Variants in XIRP2 observed in about 807,000 individuals in gnomAD.
XIRP2 encodes the protein xin actin binding repeat containing 2, also known as xin actin-binding repeat-containing protein 2.
In XIRP2, 236 loss-of-function variants were observed where a neutral mutation model predicts 277.0. The ratio of observed to expected loss-of-function variants is 0.85; its 90% CI spans 0.77 to 0.95. The LOEUF (loss-of-function observed/expected upper bound fraction) is 0.95. XIRP2 is among the 40% of genes least tolerant of loss of function. The pLI is 0.00. For missense variants in XIRP2, 4,640 were observed against 4,157.5 expected (o/e 1.12, Z -3.19); for synonymous variants, 1,490 against 1,416.5 (o/e 1.05, Z -1.17).
At chr2:167,160,474 AG>A (rs1692330994) in intron 3 of XIRP2, among the ~76,000 whole-genome samples, 1 of 152,214 alleles carries the variant, frequency 6.6e-6, no homozygotes, top group South Asian at 2.1e-4. Flanking sequence ...TAAAACTTAC[AG>A]TCCCATGTGG....
At chr2:166,963,502 TGTG>T (rs1237130981) in intron 2 of XIRP2, among the ~76,000 whole-genome samples, 1 of 151,834 alleles carries the variant, frequency 6.6e-6, no homozygotes, top group African/African-American at 2.4e-5. Flanking sequence ...AGAATAAAAA[TGTG>T]GAGGAGGAGA....
At chr2:167,087,318 G>T (rs1280786312) in intron 2 of XIRP2, among the ~76,000 whole-genome samples, 1 of 151,554 alleles carries the variant, frequency 6.6e-6, no homozygotes, top group African/African-American at 2.4e-5. Context: ...CTCCAGCTGC[G>T]TGCTGGGAGA....
chr2:167,179,901 C>T (rs184185513), intron 3 of XIRP2, among the ~76,000 whole-genome samples: 1 of 152,274 alleles, frequency 6.6e-6, no homozygotes, highest in East Asian at 1.9e-4. Flanking sequence ...TTTCGCCCCA[C>T]ACACCCAAAG....
intron 2 of XIRP2, among the ~76,000 whole-genome samples, chr2:166,995,313 A>T (rs972223932): frequency 1.3e-5 from 2 of 152,196 alleles, no homozygotes; most frequent in African/African-American, 4.8e-5. Context: ...ACTGAATTTC[A>T]TCTTTAAGGC....
rs376878594 is a variant in XIRP2, at chr2:167,090,263, G to T, written c.409-45646G>T. On this transcript the variant is annotated intron_variant, in intron 2 of 10. Transcript: ENST00000409195. ...TTTCAGACAATGCAAAGATTTTAGG[G>T]TACTTTAACTCCATATACCCCACTC... Among the ~76,000 whole-genome samples, 26 of 151,948 alleles carry T rather than the reference G, an allele frequency of 1.7e-4. No homozygotes were observed. The South Asian group carries it at 5.4e-3, about 32-fold the overall frequency.
intron 2 of XIRP2, among the ~76,000 whole-genome samples, chr2:167,131,995 C>G (rs536625207): frequency 1.3e-5 from 2 of 152,082 alleles, no homozygotes; most frequent in East Asian, 1.9e-4. Flanking sequence ...CTCACTCCCT[C>G]TCTCTCTCAT....
intron 2 of XIRP2, among the ~76,000 whole-genome samples, chr2:167,040,918 C>T (rs923746124): frequency 1.3e-5 from 2 of 152,232 alleles, no homozygotes; most frequent in African/African-American, 2.4e-5. Context: ...GCACAGACTC[C>T]ATTGCCACCA....
At chr2:167,018,284 C>G (rs1193829752) in intron 2 of XIRP2, among the ~76,000 whole-genome samples, 1 of 151,924 alleles carries the variant, frequency 6.6e-6, no homozygotes, top group Non-Finnish European at 1.5e-5. Flanking sequence ...TCTACCTTTG[C>G]CAGGGGTAGG....
intron 2 of XIRP2, among the ~76,000 whole-genome samples, chr2:166,927,941 G>C (rs889476256): frequency 6.6e-6 from 1 of 152,098 alleles, no homozygotes; most frequent in Non-Finnish European, 1.5e-5. Context: ...GGGGAAATTA[G>C]AAATGTTAAA....
intron 3 of XIRP2, among the ~76,000 whole-genome samples, chr2:167,136,394 T>C (rs557818323): frequency 6.6e-6 from 1 of 152,276 alleles, no homozygotes; most frequent in Admixed American, 6.5e-5. Flanking sequence ...AACATACTTG[T>C]CTTTCTGTCT....
At chr2:166,988,229 TGTAAA>T (rs1687066007) in intron 2 of XIRP2, among the ~76,000 whole-genome samples, 1 of 152,156 alleles carries the variant, frequency 6.6e-6, no homozygotes. Flanking sequence ...GCCAAATACC[TGTAAA>T]CTCAATGTAT....
intron 3 of XIRP2, among the ~76,000 whole-genome samples, chr2:167,193,049 A>C (rs887463403): frequency 6.6e-6 from 1 of 152,260 alleles, no homozygotes; most frequent in Non-Finnish European, 1.5e-5. Context: ...AAGATTCATC[A>C]TCCCTTCATC....
intron 2 of XIRP2, among the ~76,000 whole-genome samples, chr2:167,044,716 A>G (rs1303658182): frequency 1.3e-5 from 2 of 151,862 alleles, no homozygotes; most frequent in Non-Finnish European, 2.9e-5. Flanking sequence ...GAGGTGAAAG[A>G]TCTATACAAT....
intron 5 of XIRP2, among the ~76,000 whole-genome samples, chr2:167,235,449 G>A (rs968533268): frequency 2.0e-5 from 3 of 151,842 alleles, no homozygotes; most frequent in African/African-American, 7.2e-5. Flanking sequence ...CTAAAAAAAA[G>A]TGACTACTGT....
At chr2:167,016,285 G>GTCA (rs1280412386) in intron 2 of XIRP2, among the ~76,000 whole-genome samples, 1 of 151,564 alleles carries the variant, frequency 6.6e-6, no homozygotes, top group Non-Finnish European at 1.5e-5. Context: ...CATCCTAAAA[G>GTCA]TCAGTTTCAT....
intron 2 of XIRP2, among the ~76,000 whole-genome samples, chr2:167,106,101 A>G (rs572032905): frequency 2.0e-5 from 3 of 151,652 alleles, no homozygotes; most frequent in African/African-American, 7.2e-5. Context: ...TGATTTGCAA[A>G]TATTTTCTCC....
chr2:167,082,336 G>C (rs13401523), intron 2 of XIRP2, among the ~76,000 whole-genome samples: 1 of 151,904 alleles, frequency 6.6e-6, no homozygotes, highest in South Asian at 2.1e-4. Flanking sequence ...TTCTTAATCC[G>C]GTCTATCATT....
intron 2 of XIRP2, among the ~76,000 whole-genome samples, chr2:166,950,247 A>G (rs187732064): frequency 1.0e-3 from 154 of 152,174 alleles, no homozygotes; most frequent in Non-Finnish European, 1.8e-3. Flanking sequence ...CAGCAACTGA[A>G]GTGCCCTCCC....
Position 167,247,153 on chromosome 2 carries a change from G to A in XIRP2, c.5761G>A (p.Asp1921Asn). The change falls in exon 9 of 11, where the codon GAC becomes AAC. Residue 1921 changes from aspartate to asparagine, a missense_variant. Asp to Asn is a conservative substitution (Grantham distance 23). Transcript: ENST00000409195. ...EILKKELLKD[D>N]LETSLRSLKE... ...TCTGAAAAAGGAGCTTCTCAAAGAT[G>A]ACCTGGAAACATCACTAAGGTCTTT... 4 of 1,613,596 alleles carry A rather than the reference G, an allele frequency of 2.5e-6. No individual in the cohort carries two copies. The highest frequency in any genetic ancestry group is 3.4e-6 in the Non-Finnish European group (4 of 1,179,778).
Sources: allele counts gnomAD v4.1 joint callset (sites outside exome capture counted in the v4.1 genomes callset), GRCh38; gene constraint gnomAD v4.1.1; transcripts MANE v1.5; gene names NCBI Gene and HGNC (gene_info 2026-07-23, HGNC 2026-07-21).